The following C12orf56 variants were observed in gnomAD, a reference collection of about 807,000 sequenced individuals.
C12orf56 encodes the protein uncharacterized protein C12orf56.
A neutral mutation model predicts 69.9 loss-of-function variants in C12orf56; 71 were observed. The ratio of observed to expected loss-of-function variants is 1.02; its 90% confidence interval spans 0.84 to 1.24. The LOEUF (loss-of-function observed/expected upper bound fraction) is 1.24, where lower values mean the gene tolerates loss of function less well. Among genes scored for constraint, C12orf56 ranks in the 50% most tolerant of loss-of-function variants. C12orf56 has a pLI of 0.00. For synonymous variants in C12orf56, 276 were observed against 274.1 expected, an observed-to-expected ratio of 1.01 and a Z score of -0.07; for missense variants, 732 against 738.5, an observed-to-expected ratio of 0.99 and a Z score of 0.10.
chr12:64,283,134 C>T lies in C12orf56; in HGVS notation c.1310+1530G>A, dbSNP rs372594749. The stretch of plus-strand genomic sequence containing the variant: ...TCCAGCCTGGACAACAAGAGTGAAG[C>T]GCTGTCTCAAAAAAAAAAGAAAAAA... On this transcript the variant is annotated intron_variant, in intron 8 of 12. Coordinates refer to ENST00000543942, the MANE Select transcript of C12orf56 (RefSeq NM_001170633.2). Among the ~76,000 whole-genome samples, 157 of 149,716 alleles carry T rather than the reference C, an allele frequency of 1.0e-3. 1 individual carries two copies. The South Asian group carries it at 0.023, about 22-fold the overall frequency.
chr12:64,347,510 T>G (rs1030058888), intron 2 of C12orf56, among the ~76,000 whole-genome samples: 2 of 152,072 alleles, frequency 1.3e-5, no homozygotes, highest in African/African-American at 4.8e-5. Context: ...AGTCTCGAAC[T>G]CCTGACTTCA....
rs2037917280 is a variant in C12orf56, at chr12:64,266,048, A to G, written c.*1135T>C. 1 of 152,242 alleles carries G rather than the reference A, an allele frequency of 6.6e-6. No individual in the cohort carries two copies. Among genetic ancestry groups the G allele is most frequent in the South Asian group, 2.1e-4 (1 of 4,834 alleles). 9.4% of individuals were successfully genotyped at this position (152,242 alleles called of 1,614,324 possible). A position where few individuals can be genotyped will look rare whatever the true frequency, so the allele number is the denominator to read the frequency against. Reference sequence around the variant, plus strand: ...TCTCTATGATAAAAGAGGAAGTGACATTCTATACAGCTATGCCTGTGTTCT... The same window carrying G: ...TCTCTATGATAAAAGAGGAAGTGACGTTCTATACAGCTATGCCTGTGTTCT... On this transcript the variant is annotated 3_prime_UTR_variant, in exon 13 of 13. Coordinates refer to ENST00000543942, the MANE Select transcript of C12orf56 (RefSeq NM_001170633.2).
chr12:64,363,288 GA>G (rs1220043572), intron 1 of C12orf56, among the ~76,000 whole-genome samples: 2 of 152,184 alleles, frequency 1.3e-5, no homozygotes, highest in African/African-American at 4.8e-5. Context: ...GTTACCTGCT[GA>G]AGGAAAACAA....
intron 1 of C12orf56, among the ~76,000 whole-genome samples, chr12:64,368,588 G>T (rs2039529083): frequency 6.6e-6 from 1 of 152,136 alleles, no homozygotes; most frequent in South Asian, 2.1e-4. Flanking sequence ...AAAGTGTTCT[G>T]AAGGAAAGCC....
intron 8 of C12orf56, among the ~76,000 whole-genome samples, 191 bp downstream of exon 8, chr12:64,284,472 GA>G (rs1390273407): frequency 2.0e-5 from 3 of 152,232 alleles, no homozygotes; most frequent in Non-Finnish European, 4.4e-5. Flanking sequence ...ATAATCCAGA[GA>G]GACAGAGAGA....
At chr12:64,272,834 G>T (rs1358314366) in intron 11 of C12orf56, among the ~76,000 whole-genome samples, 1 of 152,172 alleles carries the variant, frequency 6.6e-6, no homozygotes, top group Non-Finnish European at 1.5e-5. Context: ...TCTGTAGAAG[G>T]CAGCTGGCTG....
At chr12:64,355,276 G>T (rs2039295191) in intron 1 of C12orf56, among the ~76,000 whole-genome samples, 1 of 152,020 alleles carries the variant, frequency 6.6e-6, no homozygotes, top group African/African-American at 2.4e-5. Flanking sequence ...ATAGGAAGAT[G>T]AATTAATAAA....
chr12:64,337,379 T>C (rs1348553747), intron 2 of C12orf56, among the ~76,000 whole-genome samples: 1 of 152,204 alleles, frequency 6.6e-6, no homozygotes, highest in Non-Finnish European at 1.5e-5. Context: ...AGATGCCAGT[T>C]GCAACTCCCA....
chr12:64,294,521 T>C (rs1193928876), intron 6 of C12orf56, among the ~76,000 whole-genome samples: 1 of 152,170 alleles, frequency 6.6e-6, no homozygotes, highest in Non-Finnish European at 1.5e-5. Context: ...TTGTGATACA[T>C]GCTACAACAT....
chr12:64,281,945 GA>G (rs1332757461), intron 8 of C12orf56, among the ~76,000 whole-genome samples: 1 of 152,104 alleles, frequency 6.6e-6, no homozygotes, highest in Admixed American at 6.5e-5. Flanking sequence ...AAAAGGTGGA[GA>G]AAAAGGATAA....
chr12:64,330,164 T>A (rs974563921), intron 3 of C12orf56, among the ~76,000 whole-genome samples: 1 of 152,168 alleles, frequency 6.6e-6, no homozygotes, highest in African/African-American at 2.4e-5. Context: ...TGTTCCTATT[T>A]CTCCACATCC....
Position 64,267,232 on chromosome 12 carries a change from G to A in C12orf56, c.1820C>T (p.Thr607Ile). ...QKRLPLCYPI[T>I]QPTIQLFHEV... is the part of the protein sequence containing the mutation. ...ATGAAAAAGTTGAATGGTAGGTTGA[G>A]TGATGGGGTAACACAATGGGAGCCT... Residue 607 changes from threonine (T) to isoleucine (I), a missense_variant, in exon 13 of 13, where the codon ACT (threonine) becomes ATT (isoleucine). Physicochemically the swap from Thr to Ile is moderately conservative, Grantham distance 89. Transcript: ENST00000543942. 6.2e-7 allele frequency: 1 copy of A among 1,612,618 alleles called. No individual in the cohort carries two copies. Among genetic ancestry groups the A allele is most frequent in the East Asian group, 2.2e-5 (1 of 44,876 alleles).
intron 7 of C12orf56, 127 bp downstream of exon 7, chr12:64,285,827 C>T: frequency 2.2e-6 from 1 of 460,688 alleles, no homozygotes; most frequent in Non-Finnish European, 3.7e-6. Context: ...AAAATAAAAT[C>T]CACAGGAAGA....
chr12:64,276,455 T>C (rs894983487), intron 9 of C12orf56, among the ~76,000 whole-genome samples: 1 of 152,188 alleles, frequency 6.6e-6, no homozygotes, highest in African/African-American at 2.4e-5. Context: ...ACTAACTTCT[T>C]AATAGCCCTG....
In C12orf56 at chr12:64,318,597, C is replaced by T; in HGVS notation, c.872G>A (p.Ser291Asn). Residue 291 changes from serine to asparagine, a missense_variant, in exon 4 of 13, where the codon AGT (serine) becomes AAT (asparagine). Coordinates refer to ENST00000543942, the MANE Select transcript of C12orf56 (RefSeq NM_001170633.2). ...TACTATAATATAATTGTTCCATGAACTTTTTAAGTGCAGAAATATTGATGA... is the reference window on the plus strand; with the variant it reads ...TACTATAATATAATTGTTCCATGAATTTTTTAAGTGCAGAAATATTGATGA... ...TTSSIFLHLKSSWNNYIIKAT... is the reference protein window; with the variant it reads ...TTSSIFLHLKNSWNNYIIKAT... The T allele has an allele frequency of 3.3e-6, 5 of 1,535,088 alleles. No individual in the cohort carries two copies. Among genetic ancestry groups the T allele is most frequent in the Non-Finnish European group, 4.4e-6 (5 of 1,145,640 alleles).
At chr12:64,368,172 T>C (rs542751439) in intron 1 of C12orf56, among the ~76,000 whole-genome samples, 108 of 152,164 alleles carry the variant, frequency 7.1e-4, no homozygotes, top group Admixed American at 1.4e-3. Context: ...AGCGCAATCA[T>C]GGCTACTGCA....
At position 64,264,861 on chromosome 12, in the gene C12orf56, A is replaced by G. The variant is rs888131644; in HGVS notation, c.*2322T>C. The G allele has an allele frequency of 1.5e-4, 23 of 152,220 alleles. No homozygotes were observed. The highest frequency in any genetic ancestry group is 5.3e-4 in the African/African-American group (22 of 41,458). 9.4% of individuals were successfully genotyped at this position (152,220 alleles called of 1,614,324 possible). A position where few individuals can be genotyped will look rare whatever the true frequency, so the allele number is the denominator to read the frequency against. Reference sequence around the variant, plus strand: ...GAGTAGACTGAAGAAAATCAGGGTGACAAATATTCAACCATTAACTCTCCA... The same window carrying G: ...GAGTAGACTGAAGAAAATCAGGGTGGCAAATATTCAACCATTAACTCTCCA... On this transcript the variant is annotated 3_prime_UTR_variant, in exon 13 of 13. Coordinates refer to ENST00000543942, the MANE Select transcript of C12orf56 (RefSeq NM_001170633.2).
At position 64,265,775 on chromosome 12, in the gene C12orf56, T is replaced by G. The variant is rs1305445143; in HGVS notation, c.*1408A>C. 6.6e-6 allele frequency: 1 copy of G among 152,268 alleles called. No individual in the cohort carries two copies. The highest frequency in any genetic ancestry group is 1.9e-4 in the East Asian group (1 of 5,204). The allele number at this position is 152,268 out of a possible 1,614,324, so 9.4% of individuals were successfully genotyped here. ...ATAATAAGTTGAATGGAGAGTCCAG[T>G]TCCTATGTTCTTAGAAGTCCAAATT... On this transcript the variant is annotated 3_prime_UTR_variant, in exon 13 of 13. Coordinates refer to ENST00000543942, the MANE Select transcript of C12orf56 (RefSeq NM_001170633.2).
At chr12:64,305,936 A>G (rs1344013543) in intron 5 of C12orf56, among the ~76,000 whole-genome samples, 3 of 152,362 alleles carry the variant, frequency 2.0e-5, no homozygotes, top group Non-Finnish European at 2.9e-5. Context: ...ATATCAGCAG[A>G]ATTATTTTGA....
Sources: gnomAD v4.1 joint callset for allele counts (sites outside exome capture counted in the v4.1 genomes callset) on GRCh38, gnomAD v4.1.1 for gene constraint, MANE v1.5 for transcripts, NCBI Gene and HGNC (gene_info 2026-07-23, HGNC 2026-07-21) for gene names.